The following RNF169 variants were observed in gnomAD, a reference collection of about 807,000 sequenced individuals.
RNF169 encodes the protein E3 ubiquitin-protein ligase RNF169.
In RNF169, 24 loss-of-function variants were observed where a neutral mutation model predicts 53.9. That is an observed-to-expected ratio of 0.45 (90% CI 0.32 to 0.63). RNF169 has a LOEUF of 0.63. Ranked by LOEUF, RNF169 falls within the 20% of genes least tolerant of loss-of-function variation. The pLI, the probability that RNF169 is intolerant of heterozygous loss-of-function variation, is 0.04. For synonymous variants in RNF169, 396 were observed against 363.5 expected (o/e 1.09, Z -1.02); for missense variants, 883 against 906.2 (o/e 0.97, Z 0.33).
rs2036258322 is a variant in RNF169, at chr11:74,836,432, TAAGTG to T, written c.1833_1837del (p.Ser611ArgfsTer26). 6.2e-7 allele frequency: 1 copy of T among 1,614,242 alleles called. No individual in the cohort carries two copies. The highest frequency in any genetic ancestry group is 8.5e-7 in the Non-Finnish European group (1 of 1,180,044). ...ACTAATGGTGTTCTAGTTGAGAGCC[TAAGTG>T]AAGAGCCACTTCCTTCTTTGCGTCG... On this transcript the variant is annotated frameshift_variant, in exon 6 of 6. Transcript: ENST00000299563. LOFTEE classifies it high-confidence loss of function.
intron 1 of RNF169, 95 bp downstream of exon 1, chr11:74,749,477 G>C (rs924134633): frequency 2.9e-6 from 3 of 1,030,658 alleles, no homozygotes; most frequent in Admixed American, 8.8e-5. Flanking sequence ...GGCCCTACTC[G>C]GGCGGGTGTG....
chr11:74,825,208 A>G (rs373628642), intron 4 of RNF169, among the ~76,000 whole-genome samples: 8 of 152,252 alleles, frequency 5.3e-5, no homozygotes, highest in Admixed American at 2.0e-4. Flanking sequence ...ATGTTAGACC[A>G]TAAAACAAGT....
rs766534514 is a variant in RNF169 at position 74,835,790 on chromosome 11, T to C, written c.1187T>C (p.Leu396Pro). 1.2e-5 allele frequency: 19 copies of C among 1,614,050 alleles called. No homozygotes were observed. Among genetic ancestry groups the C allele is most frequent in the Non-Finnish European group, 1.6e-5 (19 of 1,180,030 alleles). The change falls in exon 6 of 6, where the codon CTC becomes CCC. Residue 396 changes from leucine (L) to proline (P), a missense_variant. Leu to Pro is a moderately conservative substitution (Grantham distance 98). Coordinates refer to ENST00000299563, the MANE Select transcript of RNF169 (RefSeq NM_001098638.2). ...TCACCATGTACTCCTCCCAAGAGACTCCCTGATGGCCGTGTGCTAAGTCCT... is the reference window on the plus strand; with the variant it reads ...TCACCATGTACTCCTCCCAAGAGACCCCCTGATGGCCGTGTGCTAAGTCCT... ...VCSPCTPPKR[L>P]PDGRVLSPLI...
chr11:74,756,038 A>G (rs564025881), intron 1 of RNF169, among the ~76,000 whole-genome samples: 3 of 152,134 alleles, frequency 2.0e-5, no homozygotes, highest in Admixed American at 2.0e-4. Flanking sequence ...TCGTTAGGGG[A>G]CTGTTTTAGT....
chr11:74,805,614 C>A (rs2035791961), intron 2 of RNF169, among the ~76,000 whole-genome samples: 1 of 152,110 alleles, frequency 6.6e-6, no homozygotes, highest in Non-Finnish European at 1.5e-5. Context: ...GGAGAATATT[C>A]TGATGACCAT....
intron 1 of RNF169, among the ~76,000 whole-genome samples, chr11:74,784,281 T>C (rs2035456805): frequency 6.6e-6 from 1 of 152,194 alleles, no homozygotes; most frequent in South Asian, 2.1e-4. Context: ...TTTCTGAGAT[T>C]GAAACTATGA....
At chr11:74,807,352 C>A (rs1352776078) in intron 2 of RNF169, among the ~76,000 whole-genome samples, 1 of 152,070 alleles carries the variant, frequency 6.6e-6, no homozygotes, top group African/African-American at 2.4e-5. Context: ...TTTCATATAC[C>A]TGTAGCCAAC....
intron 1 of RNF169, among the ~76,000 whole-genome samples, chr11:74,762,897 G>T (rs554598669): frequency 6.6e-6 from 1 of 152,174 alleles, no homozygotes; most frequent in African/African-American, 2.4e-5. Context: ...GTAGAGATGG[G>T]TTATTTCAGG....
At chr11:74,767,819 C>T (rs919216443) in intron 1 of RNF169, among the ~76,000 whole-genome samples, 2 of 151,962 alleles carry the variant, frequency 1.3e-5, no homozygotes, top group African/African-American at 2.4e-5. Context: ...CCTCGTGATC[C>T]GCCCACTTCG....
intron 3 of RNF169, among the ~76,000 whole-genome samples, chr11:74,817,093 A>G (rs2035950366): frequency 6.6e-6 from 1 of 152,214 alleles, no homozygotes. Context: ...AGTAGAATAG[A>G]ATAGAGTGGA....
In RNF169 at chr11:74,817,696, C is replaced by G; in HGVS notation, c.824C>G (p.Ser275Cys). The G allele has an allele frequency of 6.2e-7, 1 of 1,608,952 alleles. No homozygotes were observed. The highest frequency in any genetic ancestry group is 8.5e-7 in the Non-Finnish European group (1 of 1,175,292). The stretch of plus-strand genomic sequence containing the variant: ...TTTGTTTCCAAGAACAACTCCTACT[C>G]CTTAGCTTTCCTGGCAGGGTAAGAG... The part of the protein sequence containing the change: ...SAFVSKNNSY[S>C]LAFLAGKLNS... Residue 275 changes from serine (S) to cysteine (C), a missense_variant, in exon 4 of 6, where the codon TCC becomes TGC. Physicochemically the swap from Ser to Cys is moderately radical, Grantham distance 112 (BLOSUM62 -1). This residue lies in a region of RNF169 where 219 missense variants were observed against 289.1 expected (regional missense o/e 0.76). Transcript: ENST00000299563.
Position 74,833,030 on chromosome 11 carries a change from T to A in RNF169, c.843-1646T>A, listed in dbSNP as rs558755998. Reference sequence around the variant, plus strand: ...ACAACTTTCACATCTTTCATTTGGGTTAAATGTTGAGTTTCTTGGTAAAGT... The same window carrying A: ...ACAACTTTCACATCTTTCATTTGGGATAAATGTTGAGTTTCTTGGTAAAGT... On this transcript the variant is annotated intron_variant, in intron 4 of 5. Coordinates refer to ENST00000299563, the MANE Select transcript of RNF169 (RefSeq NM_001098638.2). 4.6e-4 allele frequency among the ~76,000 whole-genome samples: 70 copies of A among 152,288 alleles called. 1 individual carries two copies. The highest frequency in any genetic ancestry group is 9.4e-4 in the Non-Finnish European group (64 of 68,018).
At chr11:74,775,587 G>A (rs920307822) in intron 1 of RNF169, among the ~76,000 whole-genome samples, 3 of 151,044 alleles carry the variant, frequency 2.0e-5, no homozygotes, top group African/African-American at 7.3e-5. Context: ...TTGGAATATC[G>A]TAAGCTTTTT....
chr11:74,832,065 A>C (rs2036187265), intron 4 of RNF169: 2 of 152,240 alleles, frequency 1.3e-5, no homozygotes, highest in South Asian at 4.1e-4. Context: ...ACAGTTGAGG[A>C]GTTCAGTTGT....
chr11:74,760,382 A>G (rs1722912676), intron 1 of RNF169, among the ~76,000 whole-genome samples: 2 of 150,858 alleles, frequency 1.3e-5, no homozygotes, highest in African/African-American at 4.8e-5. Flanking sequence ...TTGCTTTTCT[A>G]GTTCTTTTAA....
chr11:74,822,647 G>A (rs897864610), intron 4 of RNF169, among the ~76,000 whole-genome samples: 9 of 152,130 alleles, frequency 5.9e-5, no homozygotes, highest in Non-Finnish European at 1.2e-4. Flanking sequence ...GTGTGAACTT[G>A]GAAAGATCAC....
At position 74,838,692 on chromosome 11, in the gene RNF169, C is replaced by T. The variant is rs543303309; in HGVS notation, c.*1962C>T. The T allele has an allele frequency of 1.3e-5, 2 of 152,228 alleles. No individual in the cohort carries two copies. The highest frequency in any genetic ancestry group is 1.9e-4 in the East Asian group (1 of 5,202). 9.4% of individuals were successfully genotyped at this position (152,228 alleles called of 1,614,324 possible). On this transcript the variant is annotated 3_prime_UTR_variant, in exon 6 of 6. Transcript: ENST00000299563. ...TCATGATTTTGTAGTCACACCACTT[C>T]AGTTCTGGGCCCTACCAACAATTTA...
At chr11:74,785,031 T>C (rs2035467863) in intron 1 of RNF169, among the ~76,000 whole-genome samples, 2 of 151,840 alleles carry the variant, frequency 1.3e-5, no homozygotes, top group Admixed American at 6.6e-5. Context: ...GGATTCTTCA[T>C]TGGTTACTAC....
intron 2 of RNF169, among the ~76,000 whole-genome samples, chr11:74,799,307 A>C (rs549713780): frequency 2.0e-5 from 3 of 152,252 alleles, no homozygotes; most frequent in Admixed American, 6.5e-5. Context: ...TAACTACATG[A>C]GGGAAGAACA....
Sources: allele counts gnomAD v4.1 joint callset (sites outside exome capture counted in the v4.1 genomes callset), GRCh38; gene constraint gnomAD v4.1.1; regional missense constraint gnomAD v4.1.1; transcripts MANE v1.5; gene names NCBI Gene and HGNC (gene_info 2026-07-23, HGNC 2026-07-21).